THBS1: variants seen among roughly 807,000 people sequenced by gnomAD.
THBS1 encodes the protein thrombospondin-1.
Under a neutral mutation model 126.1 loss-of-function variants are expected in THBS1, and 29 were observed. The observed-to-expected ratio is 0.23, with a 90% CI of 0.17 to 0.31. The LOEUF is 0.31. Ranked by LOEUF, THBS1 falls within the 10% of genes least tolerant of loss-of-function variation. The probability of loss-of-function intolerance (pLI) is 1.00; values close to 1 mark genes in which losing one functional copy is unlikely to be tolerated. For synonymous variants in THBS1, 496 were observed against 577.8 expected (o/e 0.86, Z 2.03); for missense variants, 1,198 against 1,545.2 (o/e 0.78, Z 3.77).
chr15:39,581,758 C>A, intron 1 of THBS1, 71 bp from the exon 2 acceptor site: 1 of 965,442 alleles, frequency 1.0e-6, no homozygotes, highest in Non-Finnish European at 1.6e-6. Context: ...CATGCCCAGC[C>A]CCGTTTCTGC....
rs142668892 is a variant in THBS1 at position 39,593,425 on chromosome 15, C to T, written c.3024C>T (p.Phe1008=). ...ATGATGAGTTTAATGCTGTGGACTT[C>T]AGTGGCACCTTCTTCATCAACACCG... ...VGYDEFNAVD[F]SGTFFINTER... Residue 1008 remains phenylalanine (F), a synonymous_variant, in exon 19 of 22, where the codon TTC becomes TTT. Coordinates refer to ENST00000260356, the MANE Select transcript of THBS1 (RefSeq NM_003246.4). The surrounding 1 kb of genome is among the most constrained non-coding windows in gnomAD (Gnocchi z 5.9). 298 of 1,614,176 alleles carry T rather than the reference C, an allele frequency of 1.8e-4. 2 individuals carry two copies. In the African/African-American group the frequency reaches 3.8e-3, roughly 20 times the overall value.
At position 39,595,888 on chromosome 15, in the gene THBS1, T is replaced by G; in HGVS notation, c.*519T>G. 1 of 456,280 alleles carries G rather than the reference T, an allele frequency of 2.2e-6. No individual in the cohort carries two copies. Among genetic ancestry groups the G allele is most frequent in the Non-Finnish European group, 4.4e-6 (1 of 226,948 alleles). The allele number at this position is 456,280 out of a possible 1,614,324, so 28.3% of individuals were successfully genotyped here. A position where few individuals can be genotyped will look rare whatever the true frequency, so the allele number is the denominator to read the frequency against. On this transcript the variant is annotated 3_prime_UTR_variant, in exon 22 of 22. Coordinates refer to ENST00000260356, the MANE Select transcript of THBS1 (RefSeq NM_003246.4). ...AAGAAAATATGGAGGAACTGTTACA[T>G]GTTCGGTACTAAGTCATTTTCAGGG...
At chr15:39,588,924 C>G (rs200859162) in intron 10 of THBS1, 35 bp from the exon 11 acceptor site, 2 of 1,614,028 alleles carry the variant, frequency 1.2e-6, no homozygotes, top group East Asian at 4.5e-5. Flanking sequence ...TTAGACCAAC[C>G]ATTTACTGTG....
chr15:39,590,393 A>T (rs77927370), intron 13 of THBS1, 123 bp from the exon 14 acceptor site: 1 of 720,760 alleles, frequency 1.4e-6, no homozygotes, highest in Non-Finnish European at 2.3e-6. Flanking sequence ...CATAAAAAAA[A>T]TATGCTGTTA....
rs1463309456 is a variant in THBS1 at position 39,595,354 on chromosome 15, T to A, written c.3506-8T>A. Reference sequence around the variant, plus strand: ...TTGTATATTTATTTATATTTGTTTATTTAACAGATCCCTAATCATCAAATT... The same window carrying A: ...TTGTATATTTATTTATATTTGTTTAATTAACAGATCCCTAATCATCAAATT... On this transcript the variant is annotated splice_region_variant and splice_polypyrimidine_tract_variant and intron_variant, in intron 21 of 21. Transcript: ENST00000260356. 1 of 1,457,180 alleles carries A rather than the reference T, an allele frequency of 6.9e-7. No individual in the cohort carries two copies. Among genetic ancestry groups the A allele is most frequent in the Admixed American group, 2.4e-5 (1 of 42,544 alleles). 90.3% of individuals were successfully genotyped at this position (1,457,180 alleles called of 1,614,324 possible).
rs754856679 is a variant in THBS1, at chr15:39,594,409, G to A, written c.3474G>A (p.Val1158=). The part of the protein sequence containing the change: ...LGLFVFSQEM[V]FFSDLKYECR... ...TGTTTGTCTTCTCTCAAGAAATGGT[G>A]TTCTTCTCTGACCTGAAATACGAAT... is the stretch of plus-strand genomic sequence containing the variant. The change falls in exon 21 of 22, where the codon GTG becomes GTA. Residue 1158 remains valine, a synonymous_variant. Coordinates refer to ENST00000260356, the MANE Select transcript of THBS1 (RefSeq NM_003246.4). The surrounding 1 kb of genome is among the most constrained non-coding windows in gnomAD (Gnocchi z 4.4). 11 of 1,614,048 alleles carry A rather than the reference G, an allele frequency of 6.8e-6. No homozygotes were observed. The African/African-American group carries it at 1.3e-4, about 20-fold the overall frequency.
chr15:39,584,151 C>T lies in THBS1; in HGVS notation c.867C>T (p.Thr289=). 6.2e-7 allele frequency: 1 copy of T among 1,614,210 alleles called. No individual in the cohort carries two copies. The highest frequency in any genetic ancestry group is 8.5e-7 in the Non-Finnish European group (1 of 1,180,046). The part of the protein sequence containing the change: ...SMVLELRGLR[T]IVTTLQDSIR... ...TCCTGGAACTCAGGGGCCTGCGCAC[C>T]ATTGTGACCACGCTGCAGGACAGCA... The change falls in exon 5 of 22, where the codon ACC becomes ACT. Residue 289 remains threonine, a synonymous_variant. Coordinates refer to ENST00000260356, the MANE Select transcript of THBS1 (RefSeq NM_003246.4).
intron 6 of THBS1, 87 bp from the exon 7 acceptor site, chr15:39,585,383 G>C: frequency 2.5e-6 from 3 of 1,207,184 alleles, no homozygotes; most frequent in South Asian, 1.2e-5. Flanking sequence ...ACCATGTTTT[G>C]GCTTGTAAAG....
Position 39,582,345 on chromosome 15 carries a change from A to G in THBS1, c.220A>G (p.Lys74Glu), listed in dbSNP as rs1346726532. Residue 74 changes from lysine to glutamate, a missense_variant, in exon 3 of 22, where the codon AAG (lysine) becomes GAG (glutamate). Lys to Glu is a moderately conservative substitution (Grantham distance 56). Transcript: ENST00000260356. ...ANLIPPVPDD[K>E]FQDLVDAVRA... ...CCTGATCCCCCCTGTGCCTGATGAC[A>G]AGTTCCAAGACCTGGTGGATGCTGT... 1 of 1,614,022 alleles carries G rather than the reference A, an allele frequency of 6.2e-7. No individual in the cohort carries two copies. Among genetic ancestry groups the G allele is most frequent in the Non-Finnish European group, 8.5e-7 (1 of 1,180,030 alleles).
Position 39,587,512 on chromosome 15 carries a change from A to AC in THBS1, c.1287dup (p.Lys430GlnfsTer4). On this transcript the variant is annotated frameshift_variant, in exon 8 of 22. Transcript: ENST00000260356. LOFTEE classifies it high-confidence loss of function. ...CGGACCTGCCACATTCAGGAGTGTG[A>AC]CAAGAGATGTAAGCATCTTAGCCTC... 1 of 1,612,410 alleles carries AC rather than the reference A, an allele frequency of 6.2e-7. No homozygotes were observed. Among genetic ancestry groups the AC allele is most frequent in the Non-Finnish European group, 8.5e-7 (1 of 1,178,884 alleles).
chr15:39,590,542 A>G lies in THBS1; in HGVS notation c.2172A>G (p.Ser724=). The G allele has an allele frequency of 6.2e-7, 1 of 1,613,722 alleles. No homozygotes were observed. The highest frequency in any genetic ancestry group is 8.5e-7 in the Non-Finnish European group (1 of 1,179,890). ...KKDNCPNLPN[S]GQEDYDKDGI... ...ATAATTGCCCCAACCTTCCCAACTC[A>G]GGGCAGGAAGACTATGACAAGGATG... Residue 724 remains serine, a synonymous_variant, in exon 14 of 22, where the codon TCA becomes TCG. Transcript: ENST00000260356.
rs1409601268 is a variant in THBS1 at position 39,592,271 on chromosome 15, A to G, written c.2533-297A>G. Among the ~76,000 whole-genome samples the G allele has an allele frequency of 6.6e-6, 1 of 152,248 alleles. No individual in the cohort carries two copies. Among genetic ancestry groups the G allele is most frequent in the African/African-American group, 2.4e-5 (1 of 41,470 alleles). On this transcript the variant is annotated intron_variant, in intron 16 of 21. Coordinates refer to ENST00000260356, the MANE Select transcript of THBS1 (RefSeq NM_003246.4). The surrounding 1 kb of genome is among the most constrained non-coding windows in gnomAD (Gnocchi z 4.3). The stretch of plus-strand genomic sequence containing the variant: ...TTAAGATGTAAACAGTTAACATTTC[A>G]TTTCATCTTTAGTAATTAAATATCA...
At chr15:39,584,545 T>TTTTTTTTTCTTTAAGATGC in intron 6 of THBS1, 123 bp downstream of exon 6, 1 of 1,340,718 alleles carries the variant, frequency 7.5e-7, no homozygotes, top group Middle Eastern at 2.7e-4. Flanking sequence ...AACAAAGTGT[T>TTTTTTTTTCTTTAAGATGC]TTTTTTTTCT....
chr15:39,581,731 G>C (rs1334803644), intron 1 of THBS1, 98 bp from the exon 2 acceptor site: 2 of 646,612 alleles, frequency 3.1e-6, no homozygotes, highest in East Asian at 2.8e-5. Context: ...AAAGAGGGAT[G>C]GTCCCGGCCC....
In THBS1 at chr15:39,587,414, C is replaced by G; in HGVS notation, c.1188C>G (p.Gly396=). 4 of 1,614,022 alleles carry G rather than the reference C, an allele frequency of 2.5e-6. No homozygotes were observed. The African/African-American group carries it at 5.3e-5, about 22-fold the overall frequency. ...SEWTSCSTSC[G]NGIQQRGRSC... ...GGACCTCCTGTTCTACGAGCTGTGG[C>G]AATGGAATTCAGCAGCGCGGCCGCT... is the stretch of plus-strand genomic sequence containing the variant. Residue 396 remains glycine, a synonymous_variant, in exon 8 of 22, where the codon GGC becomes GGG. Transcript: ENST00000260356.
rs1279623176 is a variant in THBS1, at chr15:39,584,362, A to C, written c.966A>C (p.Gly322=). The C allele has an allele frequency of 1.2e-6, 2 of 1,614,242 alleles. No homozygotes were observed. The highest frequency in any genetic ancestry group is 1.1e-5 in the South Asian group (1 of 91,086). ...LRRPPLCYHN[G]VQYRNNEEWT... ...GGCCTCCCCTATGCTATCACAACGG[A>C]GTTCAGTACAGAAATAACGAGGAAT... The change falls in exon 6 of 22, where the codon GGA becomes GGC. Residue 322 remains glycine (G), a synonymous_variant. Transcript: ENST00000260356.
chr15:39,589,914 A>T lies in THBS1; in HGVS notation c.2036A>T (p.Lys679Met). 6.2e-7 allele frequency: 1 copy of T among 1,614,172 alleles called. No individual in the cohort carries two copies. The change falls in exon 13 of 22, where the codon AAG (lysine) becomes ATG (methionine). Residue 679 changes from lysine to methionine, a missense_variant. Lys to Met is a moderately conservative substitution (Grantham distance 95, BLOSUM62 -1). Around this residue, in one of 4 missense-constraint regions of THBS1, gnomAD observed 663 missense variants for 860.1 expected, o/e 0.77. Transcript: ENST00000260356. The surrounding 1 kb of genome is among the most constrained non-coding windows in gnomAD (Gnocchi z 4.7). Reference sequence around the variant, plus strand: ...GACCCCATGTACCGCTGCGAGTGCAAGCCTGGCTACGCTGGCAATGGCATC... The same window carrying T: ...GACCCCATGTACCGCTGCGAGTGCATGCCTGGCTACGCTGGCAATGGCATC... ...YSDPMYRCEC[K>M]PGYAGNGIIC...
chr15:39,592,085 CCT>C lies in THBS1; in HGVS notation c.2532+463_2532+464del, dbSNP rs1285046879. Among the ~76,000 whole-genome samples the C allele has an allele frequency of 3.3e-5, 5 of 152,068 alleles. No homozygotes were observed. The highest frequency in any genetic ancestry group is 2.9e-5 in the Non-Finnish European group (2 of 68,012). ...ACATCCAAAACCAAAGTAATTTATC[CCT>C]GTCATAAACATTACCCAGACAGTAT... is the stretch of plus-strand genomic sequence containing the variant. On this transcript the variant is annotated intron_variant, in intron 16 of 21. Transcript: ENST00000260356. The surrounding 1 kb of genome is among the most constrained non-coding windows in gnomAD (Gnocchi z 4.3).
Position 39,593,048 on chromosome 15 carries a change from T to C in THBS1, c.2816T>C (p.Val939Ala). Residue 939 changes from valine (V) to alanine (A), a missense_variant, in exon 18 of 22, where the codon GTG (valine) becomes GCG (alanine). By Grantham distance (64) the Val-to-Ala change is moderately conservative (BLOSUM62 0). Transcript: ENST00000260356. The surrounding 1 kb of genome is among the most constrained non-coding windows in gnomAD (Gnocchi z 5.9). ...AAAGATGATTTTGACCATGACAGTG[T>C]GCCAGACATCGATGACATCTGTCCT... ...ACKDDFDHDS[V>A]PDIDDICPEN... 3 of 1,610,222 alleles carry C rather than the reference T, an allele frequency of 1.9e-6. No individual in the cohort carries two copies. Among genetic ancestry groups the C allele is most frequent in the Non-Finnish European group, 1.7e-6 (2 of 1,178,346 alleles).
Sources: allele counts gnomAD v4.1 joint callset (sites outside exome capture counted in the v4.1 genomes callset), GRCh38; gene constraint gnomAD v4.1.1; regional missense constraint gnomAD v4.1.1; non-coding constraint Gnocchi (gnomAD v3.1); transcripts MANE v1.5; gene names NCBI Gene and HGNC (gene_info 2026-07-23, HGNC 2026-07-21).